Variants in KIF19 observed in about 807,000 individuals in gnomAD.
KIF19 encodes kinesin family member 19.
KIF19 carries 98 observed loss-of-function variants against 106.6 expected under a neutral mutation model. The ratio of observed to expected loss-of-function variants is 0.92; its 90% CI spans 0.78 to 1.09. KIF19 has a LOEUF of 1.09. KIF19 is among the 50% of genes least tolerant of loss of function. KIF19 has a pLI of 0.00. For missense variants in KIF19, 1,373 were observed against 1,414.3 expected (o/e 0.97, Z 0.47); for synonymous variants, 516 against 584.2 (o/e 0.88, Z 1.68).
Position 74,352,310 on chromosome 17 carries a change from C to G in KIF19, c.1950C>G (p.Ile650Met), listed in dbSNP as rs1207519390. 1 of 1,611,278 alleles carries G rather than the reference C, an allele frequency of 6.2e-7. No individual in the cohort carries two copies. The highest frequency in any genetic ancestry group is 1.7e-5 in the Admixed American group (1 of 59,732). ...LEEGSLEQAT[I>M]MDQVASRALQ... is the part of the protein sequence containing the mutation. The stretch of plus-strand genomic sequence containing the variant: ...AGGGCAGCCTGGAGCAGGCCACCAT[C>G]ATGGACCAAGTGGCCTCCAGGGCCC... The change falls in exon 14 of 20, where the codon ATC (isoleucine) becomes ATG (methionine). Residue 650 changes from isoleucine to methionine, a missense_variant. Transcript: ENST00000389916.
chr17:74,353,487 C>T lies in KIF19; in HGVS notation c.2221-7C>T. 2 of 1,613,534 alleles carry T rather than the reference C, an allele frequency of 1.2e-6. No individual in the cohort carries two copies. Among genetic ancestry groups the T allele is most frequent in the Non-Finnish European group, 1.7e-6 (2 of 1,179,594 alleles). On this transcript the variant is annotated splice_polypyrimidine_tract_variant and splice_region_variant and intron_variant, in intron 16 of 19. Coordinates refer to ENST00000389916, the MANE Select transcript of KIF19 (RefSeq NM_153209.4). ...GGTTTCCTCCTCCCAACCACTCCACCCCACAGGCCCCGGCTCAGGACAGCC... is the reference window on the plus strand; with the variant it reads ...GGTTTCCTCCTCCCAACCACTCCACTCCACAGGCCCCGGCTCAGGACAGCC...
At position 74,354,244 on chromosome 17, in the gene KIF19, G is replaced by A. The variant is rs770163632; in HGVS notation, c.2391G>A (p.Gly797=). 14 of 1,608,320 alleles carry A rather than the reference G, an allele frequency of 8.7e-6. No homozygotes were observed. The highest frequency in any genetic ancestry group is 8.5e-7 in the Non-Finnish European group (1 of 1,179,414). The change falls in exon 18 of 20, where the codon GGG becomes GGA. Residue 797 remains glycine (G), a synonymous_variant. Transcript: ENST00000389916. ...RRRSRALGTE[G]RHLLAPATER... is the part of the protein sequence containing the mutation. ...GCTCGCGGGCCCTGGGAACCGAGGG[G>A]CGACACCTGCTGGCACCCGCGACAG...
rs896437411 is a variant in KIF19 at position 74,344,266 on chromosome 17, G to A, written c.500G>A (p.Gly167Asp). The change falls in exon 6 of 20, where the codon GGC (glycine) becomes GAC (aspartate). Residue 167 changes from glycine (G) to aspartate (D), a missense_variant. Gly to Asp is a moderately conservative substitution (Grantham distance 94). This residue lies in a region of KIF19 where 348 missense variants were observed against 389.5 expected (regional missense o/e 0.89). Transcript: ENST00000389916. ...CGGGACCTGCTGAACCCCTCCCTGG[G>A]CTACCTGGAGCTGCGGGAGGACTCT... is the stretch of plus-strand genomic sequence containing the variant. Reference protein sequence around the residue: ...MIRDLLNPSLGYLELREDSKG... With the variant: ...MIRDLLNPSLDYLELREDSKG... The A allele has an allele frequency of 1.2e-6, 2 of 1,612,994 alleles. No homozygotes were observed. Among genetic ancestry groups the A allele is most frequent in the African/African-American group, 2.7e-5 (2 of 75,022 alleles).
At chr17:74,348,466 G>A (rs550205001) in intron 9 of KIF19, 189 of 160,754 alleles carry the variant, frequency 1.2e-3, no homozygotes, top group Middle Eastern at 2.8e-3. Context: ...CTTGCCATCC[G>A]CTTAGAAATC....
intron 2 of KIF19, among the ~76,000 whole-genome samples, chr17:74,335,985 C>G (rs527539799): frequency 6.6e-6 from 1 of 152,362 alleles, no homozygotes; most frequent in South Asian, 2.1e-4. Flanking sequence ...ACAACAGCCA[C>G]TTACTGTCTC....
chr17:74,340,111 C>T (rs1041005850), intron 2 of KIF19, among the ~76,000 whole-genome samples: 6 of 152,196 alleles, frequency 3.9e-5, no homozygotes, highest in Non-Finnish European at 7.3e-5. Flanking sequence ...GCTGCTGTCC[C>T]ATCTGACAGA....
chr17:74,341,897 A>G lies in KIF19; in HGVS notation c.142A>G (p.Met48Val), dbSNP rs548493719. ...GCAGATGGTGGTTCTCATGGACCCAATGGAGGATCCCGACGACATCCTGCG... is the reference window on the plus strand; with the variant it reads ...GCAGATGGTGGTTCTCATGGACCCAGTGGAGGATCCCGACGACATCCTGCG... ...DEQMVVLMDPMEDPDDILRAH... is the reference protein window; with the variant it reads ...DEQMVVLMDPVEDPDDILRAH... The change falls in exon 3 of 20, where the codon ATG becomes GTG. Residue 48 changes from methionine (M) to valine (V), a missense_variant. By Grantham distance (21) the Met-to-Val change is conservative (BLOSUM62 1). This residue lies in a region of KIF19 where 348 missense variants were observed against 389.5 expected (regional missense o/e 0.89). Coordinates refer to ENST00000389916, the MANE Select transcript of KIF19 (RefSeq NM_153209.4). 188 of 1,613,636 alleles carry G rather than the reference A, an allele frequency of 1.2e-4. No individual in the cohort carries two copies. Among genetic ancestry groups the G allele is most frequent in the South Asian group, 7.9e-4 (72 of 91,072 alleles).
intron 5 of KIF19, 27 bp downstream of exon 5, chr17:74,343,187 G>A (rs781529261): frequency 6.2e-7 from 1 of 1,607,896 alleles, no homozygotes; most frequent in South Asian, 1.1e-5. Flanking sequence ...AGGCTCAGAT[G>A]GGGCTGGCCT....
At position 74,352,051 on chromosome 17, in the gene KIF19, G is replaced by A. The variant is rs1348486661; in HGVS notation, c.1772G>A (p.Arg591His). 2.5e-6 allele frequency: 4 copies of A among 1,581,724 alleles called. No individual in the cohort carries two copies. Among genetic ancestry groups the A allele is most frequent in the Non-Finnish European group, 3.4e-6 (4 of 1,170,436 alleles). ...SHALLRDGAL[R>H]HRHEAVRRLE... is the part of the protein sequence containing the mutation. ...GCGCTGCTCCGCGACGGTGCGCTCC[G>A]CCACCGCCACGAGGCCGTGCGCCGC... The change falls in exon 13 of 20, where the codon CGC (arginine) becomes CAC (histidine). Residue 591 changes from arginine to histidine, a missense_variant. Physicochemically the swap from Arg to His is conservative, Grantham distance 29. This residue lies in a region of KIF19 where 1,020 missense variants were observed against 1,008.2 expected (regional missense o/e 1.01). Coordinates refer to ENST00000389916, the MANE Select transcript of KIF19 (RefSeq NM_153209.4).
chr17:74,347,522 T>C (rs970836946), intron 8 of KIF19, among the ~76,000 whole-genome samples: 9 of 145,430 alleles, frequency 6.2e-5, no homozygotes, highest in Non-Finnish European at 9.0e-5. Flanking sequence ...GGATGACAGA[T>C]CGAGACCCTG....
At chr17:74,342,981 T>G in intron 4 of KIF19, 43 bp from the exon 5 acceptor site, 41 of 747,392 alleles carry the variant, frequency 5.5e-5, no homozygotes, top group Non-Finnish European at 7.2e-5. Flanking sequence ...AAGGCCTCCC[T>G]CCCAGCCCCA....
In KIF19 at chr17:74,350,548, C is replaced by G. The variant is rs777816092; in HGVS notation, c.1361C>G (p.Thr454Ser). The G allele has an allele frequency of 6.2e-7, 1 of 1,612,956 alleles. No individual in the cohort carries two copies. The highest frequency in any genetic ancestry group is 8.5e-7 in the Non-Finnish European group (1 of 1,179,844). The change falls in exon 11 of 20, where the codon ACC becomes AGC. Residue 454 changes from threonine to serine, a missense_variant. Around this residue, in one of 3 missense-constraint regions of KIF19, gnomAD observed 1,020 missense variants for 1,008.2 expected, o/e 1.01. Coordinates refer to ENST00000389916, the MANE Select transcript of KIF19 (RefSeq NM_153209.4). ...ENRAMEVQID[T>S]SRHLLTIAGW... ...CGCGCCATGGAGGTCCAGATTGACA[C>G]CTCCCGACACCTGCTCACCATCGCC...
Position 74,342,350 on chromosome 17 carries a change from G to A in KIF19, c.232-280G>A, listed in dbSNP as rs2054404073. Among the ~76,000 whole-genome samples, 4 of 152,318 alleles carry A rather than the reference G, an allele frequency of 2.6e-5. No homozygotes were observed. In the South Asian group the frequency reaches 8.3e-4, roughly 32 times the overall value. On this transcript the variant is annotated intron_variant, in intron 3 of 19. Coordinates refer to ENST00000389916, the MANE Select transcript of KIF19 (RefSeq NM_153209.4). ...AGGACCCCCATCTCGCCCATCTGTG[G>A]GATGCTCCCAGGAACAGATGTGATG...
Position 74,354,220 on chromosome 17 carries a change from C to T in KIF19, c.2367C>T (p.Arg789=), listed in dbSNP as rs2054807302. 6.2e-7 allele frequency: 1 copy of T among 1,609,148 alleles called. No homozygotes were observed. Among genetic ancestry groups the T allele is most frequent in the Admixed American group, 1.7e-5 (1 of 59,946 alleles). The change falls in exon 18 of 20, where the codon CGC becomes CGT. Residue 789 remains arginine, a synonymous_variant. Transcript: ENST00000389916. Reference sequence around the variant, plus strand: ...TCTGGGTGAAGGCCGCCCGGCGGCGCTCGCGGGCCCTGGGAACCGAGGGGC... The same window carrying T: ...TCTGGGTGAAGGCCGCCCGGCGGCGTTCGCGGGCCCTGGGAACCGAGGGGC... ...KCIWVKAARR[R]SRALGTEGRH...
chr17:74,342,782 A>G, intron 4 of KIF19, 65 bp downstream of exon 4: 1 of 1,442,492 alleles, frequency 6.9e-7, no homozygotes. Context: ...TCACCCTCCA[A>G]CTAGTCTGAC....
chr17:74,353,123 C>T, intron 15 of KIF19, 73 bp from the exon 16 acceptor site: 1 of 1,435,480 alleles, frequency 7.0e-7, no homozygotes, highest in East Asian at 2.5e-5. Flanking sequence ...AACAGCTTCT[C>T]CCCTGGGGTG....
chr17:74,349,305 AG>A lies in KIF19; in HGVS notation c.1171del (p.Ala391ProfsTer284), dbSNP rs1567916244. The A allele has an allele frequency of 3.7e-6, 6 of 1,611,040 alleles. No homozygotes were observed. The highest frequency in any genetic ancestry group is 5.1e-6 in the Non-Finnish European group (6 of 1,178,766). On this transcript the variant is annotated frameshift_variant, in exon 10 of 20. Coordinates refer to ENST00000389916, the MANE Select transcript of KIF19 (RefSeq NM_153209.4). LOFTEE classifies it high-confidence loss of function. ...ATTGATGAGCAGACTGGGCGGGGCCAGGCCCGGGGCCGGCAGGATCGGGGTG... is the reference window on the plus strand; with the variant it reads ...ATTGATGAGCAGACTGGGCGGGGCCAGCCCGGGGCCGGCAGGATCGGGGTG... Reference protein sequence around the residue: ...RKIDEQTGRGQARGRQDRGDI... With the variant: ...RKIDEQTGRGXARGRQDRGDI...
At chr17:74,345,406 A>G (rs977037382) in intron 7 of KIF19, among the ~76,000 whole-genome samples, 7 of 152,086 alleles carry the variant, frequency 4.6e-5, no homozygotes, top group Admixed American at 3.9e-4. Flanking sequence ...ACATCCTGGG[A>G]GAGGACCCAG....
intron 7 of KIF19, among the ~76,000 whole-genome samples, chr17:74,345,774 C>A (rs1331955759): frequency 6.6e-6 from 1 of 152,150 alleles, no homozygotes; most frequent in Non-Finnish European, 1.5e-5. Flanking sequence ...TTACCCCTCC[C>A]TTCCAGTAAA....
Sources: allele counts gnomAD v4.1 joint callset (sites outside exome capture counted in the v4.1 genomes callset), GRCh38; gene constraint gnomAD v4.1.1; regional missense constraint gnomAD v4.1.1; transcripts MANE v1.5; gene names NCBI Gene and HGNC (gene_info 2026-07-23, HGNC 2026-07-21).